The following PPM1G variants were observed in gnomAD, a reference collection of about 807,000 sequenced individuals.
PPM1G encodes the protein protein phosphatase, Mg2+/Mn2+ dependent 1G, also known as protein phosphatase 1G.
A neutral mutation model predicts 59.4 loss-of-function variants in PPM1G; 12 were observed. That is an observed-to-expected ratio of 0.20 (90% CI 0.13 to 0.33). The LOEUF is 0.33. Among genes scored for constraint, PPM1G ranks in the 10% least tolerant of loss-of-function variants. The pLI is 1.00. For synonymous variants in PPM1G, 245 were observed against 251.9 expected, an observed-to-expected ratio of 0.97 and a Z score of 0.26; for missense variants, 392 against 681.3, an observed-to-expected ratio of 0.58 and a Z score of 4.73.
Position 27,384,697 on chromosome 2 carries a change from C to T in PPM1G, c.801G>A (p.Ala267=), listed in dbSNP as rs1205745200. 1.2e-5 allele frequency: 19 copies of T among 1,610,258 alleles called. No individual in the cohort carries two copies. The highest frequency in any genetic ancestry group is 1.7e-4 in the Middle Eastern group (1 of 6,050). Residue 267 remains alanine (A), a synonymous_variant, in exon 5 of 10, where the codon GCG becomes GCA. Transcript: ENST00000344034. This position sits in a 1 kb window ranked among gnomAD's most constrained non-coding sequence, Gnocchi z 4.8. The part of the protein sequence containing the change: ...FEDSEDESDE[A]EEEEEDSEEC... ...CCTCACTGTCTTCCTCTTCTTCCTC[C>T]GCCTCATCTGACTCATCCTCACTGT...
At chr2:27,401,124 G>A (rs1684168955) in intron 1 of PPM1G, among the ~76,000 whole-genome samples, 1 of 152,144 alleles carries the variant, frequency 6.6e-6, no homozygotes, top group African/African-American at 2.4e-5. Context: ...AACCTGCAAG[G>A]CACTGATCTA....
intron 1 of PPM1G, among the ~76,000 whole-genome samples, chr2:27,401,697 G>A (rs1684183192): frequency 6.6e-6 from 1 of 152,130 alleles, no homozygotes; most frequent in Non-Finnish European, 1.5e-5. Flanking sequence ...GTGGTGGCGT[G>A]AGCCTGTAGT....
At chr2:27,392,286 GTTTTTTT>G (rs70953857) in intron 1 of PPM1G, among the ~76,000 whole-genome samples, 7 of 70,420 alleles carry the variant, frequency 9.9e-5, no homozygotes, top group Admixed American at 6.6e-4. Context: ...GGTTTGTTTT[GTTTTTTT>G]TTTTTTTTTT....
chr2:27,393,412 G>T, intron 1 of PPM1G: 1 of 1,262,038 alleles, frequency 7.9e-7, no homozygotes, highest in East Asian at 2.4e-5. Flanking sequence ...TGGTGGCTAC[G>T]CGGCGCTGGA....
chr2:27,384,198 C>T lies in PPM1G; in HGVS notation c.826-106G>A, dbSNP rs915845548. The T allele has an allele frequency of 2.0e-6, 3 of 1,535,830 alleles. No individual in the cohort carries two copies. The African/African-American group carries it at 4.1e-5, about 21-fold the overall frequency. ...CCTGACTGAACACAGGTCCTCAAAA[C>T]ACTGAAAGATACAAGTATATGGTCA... is the stretch of plus-strand genomic sequence containing the variant. On this transcript the variant is annotated intron_variant, in intron 5 of 9. Coordinates refer to ENST00000344034, the MANE Select transcript of PPM1G (RefSeq NM_177983.3). The surrounding 1 kb of genome is among the most constrained non-coding windows in gnomAD (Gnocchi z 4.8).
chr2:27,382,327 A>G lies in PPM1G; in HGVS notation c.1332-99T>C. 6.4e-7 allele frequency: 1 copy of G among 1,551,786 alleles called. No homozygotes were observed. The highest frequency in any genetic ancestry group is 8.9e-7 in the Non-Finnish European group (1 of 1,129,154). ...GGCCCAGGCCAGTGTAAATAACTAC[A>G]GAAATTCTCAGCTCTGCCTTAGTCT... On this transcript the variant is annotated intron_variant, in intron 8 of 9. Transcript: ENST00000344034. The surrounding 1 kb of genome is among the most constrained non-coding windows in gnomAD (Gnocchi z 4.2).
intron 1 of PPM1G, among the ~76,000 whole-genome samples, chr2:27,396,606 G>A (rs1572666530): frequency 6.6e-6 from 1 of 152,014 alleles, no homozygotes; most frequent in East Asian, 1.9e-4. Context: ...CTTGAGGTGA[G>A]GAGTTAGAGA....
chr2:27,382,288 T>C lies in PPM1G; in HGVS notation c.1332-60A>G, dbSNP rs920297821. 9.5e-6 allele frequency: 15 copies of C among 1,575,686 alleles called. No individual in the cohort carries two copies. Among genetic ancestry groups the C allele is most frequent in the Middle Eastern group, 3.3e-4 (2 of 5,990 alleles). On this transcript the variant is annotated intron_variant, in intron 8 of 9. Coordinates refer to ENST00000344034, the MANE Select transcript of PPM1G (RefSeq NM_177983.3). The surrounding 1 kb of genome is among the most constrained non-coding windows in gnomAD (Gnocchi z 4.2). Reference sequence around the variant, plus strand: ...CTCACTAAGGCAGCGTAGAGGAGTATGGACAGAGGTGGTGGCCCAGGCCAG... The same window carrying C: ...CTCACTAAGGCAGCGTAGAGGAGTACGGACAGAGGTGGTGGCCCAGGCCAG...
intron 1 of PPM1G, among the ~76,000 whole-genome samples, chr2:27,395,849 A>G (rs1684039450): frequency 6.6e-6 from 1 of 152,016 alleles, no homozygotes; most frequent in African/African-American, 2.4e-5. Context: ...TCAAAAAAAA[A>G]AAAAAAGAAA....
At chr2:27,401,957 A>AT (rs1476123145) in intron 1 of PPM1G, among the ~76,000 whole-genome samples, 4 of 152,186 alleles carry the variant, frequency 2.6e-5, no homozygotes, top group African/African-American at 9.6e-5. Context: ...ACTGTATGGT[A>AT]TATGAACCAT....
rs1683737273 is a variant in PPM1G at position 27,385,308 on chromosome 2, T to C, written c.410-220A>G. 3.8e-6 allele frequency: 2 copies of C among 529,134 alleles called. No individual in the cohort carries two copies. The highest frequency in any genetic ancestry group is 6.3e-5 in the East Asian group (2 of 31,694). 32.8% of individuals were successfully genotyped at this position (529,134 alleles called of 1,614,324 possible). A position where few individuals can be genotyped will look rare whatever the true frequency, so the allele number is the denominator to read the frequency against. On this transcript the variant is annotated intron_variant, in intron 4 of 9. Transcript: ENST00000344034. This position sits in a 1 kb window ranked among gnomAD's most constrained non-coding sequence, Gnocchi z 4.1. ...ATCCCCTTCTTAATCAAAACAACACTAGTTACTATACTTCCCCTCTGACGT... is the reference window on the plus strand; with the variant it reads ...ATCCCCTTCTTAATCAAAACAACACCAGTTACTATACTTCCCCTCTGACGT...
At chr2:27,398,869 G>T (rs1277166948) in intron 1 of PPM1G, among the ~76,000 whole-genome samples, 1 of 151,930 alleles carries the variant, frequency 6.6e-6, no homozygotes, top group Non-Finnish European at 1.5e-5. Flanking sequence ...AAGAATCAGG[G>T]TGTAGTGGCT....
intron 1 of PPM1G, among the ~76,000 whole-genome samples, chr2:27,401,061 A>G (rs1684167934): frequency 1.3e-5 from 2 of 152,204 alleles, no homozygotes; most frequent in Admixed American, 1.3e-4. Context: ...ATAACTGGAT[A>G]TGAGACTGGA....
In PPM1G at chr2:27,383,878, CT is replaced by C; in HGVS notation, c.966+73del. The stretch of plus-strand genomic sequence containing the variant: ...CTAAAGTATCAGGGGGATCCCCTGT[CT>C]CAAAATCAAAATTAGGGGATTCACA... On this transcript the variant is annotated intron_variant, in intron 6 of 9. Coordinates refer to ENST00000344034, the MANE Select transcript of PPM1G (RefSeq NM_177983.3). The surrounding 1 kb of genome is among the most constrained non-coding windows in gnomAD (Gnocchi z 5.0). 1 of 1,538,374 alleles carries C rather than the reference CT, an allele frequency of 6.5e-7. No homozygotes were observed. Among genetic ancestry groups the C allele is most frequent in the Non-Finnish European group, 8.8e-7 (1 of 1,139,080 alleles).
chr2:27,394,110 T>C (rs1683986689), intron 1 of PPM1G, among the ~76,000 whole-genome samples: 1 of 151,378 alleles, frequency 6.6e-6, no homozygotes. Context: ...TTGGTCAGGC[T>C]GGTCTCGAAC....
At chr2:27,391,648 C>T (rs1683905930) in intron 1 of PPM1G, among the ~76,000 whole-genome samples, 1 of 152,004 alleles carries the variant, frequency 6.6e-6, no homozygotes, top group Admixed American at 6.6e-5. Context: ...TCTCTTGCTG[C>T]ATGTCACTTT....
At chr2:27,403,657 C>T (rs933869295) in intron 1 of PPM1G, among the ~76,000 whole-genome samples, 3 of 152,046 alleles carry the variant, frequency 2.0e-5, no homozygotes, top group Admixed American at 6.6e-5. Context: ...GAGGCGGAGG[C>T]GGGCAGATCA....
rs756259625 is a variant in PPM1G at position 27,409,530 on chromosome 2, G to A, written c.-108C>T. On this transcript the variant is annotated 5_prime_UTR_variant, in exon 1 of 10. Transcript: ENST00000344034. ...CAGGAGCAGGCCCCGCGGCGCGACC[G>A]ACGCAAGGTGCCGGTGAAAGGCGCG... is the stretch of plus-strand genomic sequence containing the variant. The A allele has an allele frequency of 1.5e-3, 1,924 of 1,298,278 alleles. 2 individuals are homozygous for A. Among genetic ancestry groups the A allele is most frequent in the Admixed American group, 1.8e-3 (43 of 23,670 alleles). 80.4% of individuals were successfully genotyped at this position (1,298,278 alleles called of 1,614,324 possible).
At chr2:27,388,770 G>C (rs112124382) in intron 1 of PPM1G, among the ~76,000 whole-genome samples, 5,269 of 151,626 alleles carry the variant, frequency 0.035, 283 homozygotes, top group African/African-American at 0.12. Flanking sequence ...AGCTACTTGG[G>C]AGGCTGAGGC....
Sources: allele counts gnomAD v4.1 joint callset (sites outside exome capture counted in the v4.1 genomes callset), GRCh38; gene constraint gnomAD v4.1.1; non-coding constraint Gnocchi (gnomAD v3.1); transcripts MANE v1.5; gene names NCBI Gene and HGNC (gene_info 2026-07-23, HGNC 2026-07-21).